Variants in KIAA0825 observed in about 807,000 individuals in gnomAD.
The protein encoded by KIAA0825 is KIAA0825, also known as uncharacterized protein KIAA0825.
KIAA0825 carries 119 observed loss-of-function variants against 147.6 expected under a neutral mutation model. The observed-to-expected ratio is 0.81, with a 90% CI of 0.69 to 0.94. KIAA0825 has a LOEUF of 0.94. KIAA0825 is among the 40% of genes least tolerant of loss of function. The pLI, the probability that KIAA0825 is intolerant of heterozygous loss-of-function variation, is 0.00. For synonymous variants in KIAA0825, 470 were observed against 518.1 expected, an observed-to-expected ratio of 0.91 and a Z score of 1.26; for missense variants, 1,381 against 1,472.7, an observed-to-expected ratio of 0.94 and a Z score of 1.02.
At chr5:94,408,745 T>C (rs529768643) in intron 15 of KIAA0825, among the ~76,000 whole-genome samples, 1 of 152,088 alleles carries the variant, frequency 6.6e-6, no homozygotes, top group East Asian at 1.9e-4. Flanking sequence ...TGTAAAACAT[T>C]TTTCACCATA....
At chr5:94,308,179 C>T (rs1371484876) in intron 20 of KIAA0825, among the ~76,000 whole-genome samples, 1 of 151,798 alleles carries the variant, frequency 6.6e-6, no homozygotes. Flanking sequence ...ATTCTACAAA[C>T]ATTTATCAAG....
chr5:94,267,927 T>C (rs986080788), intron 20 of KIAA0825, among the ~76,000 whole-genome samples: 2 of 152,178 alleles, frequency 1.3e-5, no homozygotes, highest in Non-Finnish European at 2.9e-5. Flanking sequence ...ATGCAGCCTG[T>C]GTTACTGCAA....
chr5:94,377,956 T>G (rs1420528186), intron 20 of KIAA0825, among the ~76,000 whole-genome samples: 1 of 152,194 alleles, frequency 6.6e-6, no homozygotes, highest in African/African-American at 2.4e-5. Flanking sequence ...GTCAAAAGAT[T>G]TATAAGTCTT....
intron 20 of KIAA0825, among the ~76,000 whole-genome samples, chr5:94,260,106 G>A (rs1204045091): frequency 2.6e-5 from 4 of 151,994 alleles, no homozygotes; most frequent in African/African-American, 9.7e-5. Context: ...TGTTAGAATG[G>A]TAGTAATATA....
intron 20 of KIAA0825, among the ~76,000 whole-genome samples, chr5:94,169,038 T>C (rs527247802): frequency 4.5e-4 from 69 of 152,240 alleles, no homozygotes; most frequent in African/African-American, 1.4e-3. Context: ...AAATTGAGGG[T>C]GATTTTACTA....
intron 14 of KIAA0825, among the ~76,000 whole-genome samples, chr5:94,438,457 T>C (rs1350008082): frequency 6.6e-6 from 1 of 152,194 alleles, no homozygotes; most frequent in Non-Finnish European, 1.5e-5. Context: ...TAAATTGCTT[T>C]CAGATAAACT....
At chr5:94,205,268 C>CATAT (rs5869623) in intron 20 of KIAA0825, among the ~76,000 whole-genome samples, 8,151 of 89,994 alleles carry the variant, frequency 0.091, 423 homozygotes, top group Middle Eastern at 0.13. Context: ...ACTATTTAAT[C>CATAT]ATATATATAT....
At chr5:94,241,168 C>T (rs1775324348) in intron 20 of KIAA0825, among the ~76,000 whole-genome samples, 1 of 152,138 alleles carries the variant, frequency 6.6e-6, no homozygotes, top group Non-Finnish European at 1.5e-5. Flanking sequence ...TGAGACTCTG[C>T]CTGGCTGTTC....
intron 20 of KIAA0825, among the ~76,000 whole-genome samples, chr5:94,290,824 T>C (rs774257795): frequency 1.1e-4 from 17 of 152,224 alleles, no homozygotes; most frequent in Non-Finnish European, 2.4e-4. Flanking sequence ...ATGATCACCA[T>C]TCTAACTGGT....
intron 20 of KIAA0825, 73 bp from the exon 21 acceptor site, chr5:94,154,197 T>C: frequency 1.1e-6 from 1 of 919,714 alleles, no homozygotes. Context: ...AATCAAGTCT[T>C]GAATATGTAA....
chr5:94,305,260 G>T (rs1778649827), intron 20 of KIAA0825, among the ~76,000 whole-genome samples: 1 of 151,516 alleles, frequency 6.6e-6, no homozygotes, highest in African/African-American at 2.4e-5. Context: ...CTATACACAG[G>T]CCAAAAAGCT....
At chr5:94,157,411 G>A (rs568848936) in intron 20 of KIAA0825, among the ~76,000 whole-genome samples, 1 of 152,096 alleles carries the variant, frequency 6.6e-6, no homozygotes, top group Admixed American at 6.6e-5. Context: ...ATGGCTCCTA[G>A]GTGGTTAGAT....
intron 20 of KIAA0825, among the ~76,000 whole-genome samples, chr5:94,264,154 A>G (rs958134965): frequency 6.6e-6 from 1 of 152,102 alleles, no homozygotes; most frequent in African/African-American, 2.4e-5. Context: ...CTTAACGTAC[A>G]ATCTTTTCTG....
At chr5:94,467,985 C>T (rs1426243420) in intron 10 of KIAA0825, among the ~76,000 whole-genome samples, 2 of 152,176 alleles carry the variant, frequency 1.3e-5, no homozygotes, top group Admixed American at 6.5e-5. Flanking sequence ...AAAAGTATCA[C>T]TTTATTTTTC....
intron 17 of KIAA0825, among the ~76,000 whole-genome samples, chr5:94,393,849 CTTT>C (rs34735109): frequency 5.0e-5 from 7 of 139,064 alleles, no homozygotes; most frequent in Admixed American, 7.3e-5. Context: ...AAGAAACACT[CTTT>C]TTTTTTTTTT....
intron 5 of KIAA0825, among the ~76,000 whole-genome samples, chr5:94,493,645 C>T (rs1368210922): frequency 6.6e-6 from 1 of 152,118 alleles, no homozygotes; most frequent in Non-Finnish European, 1.5e-5. Context: ...TCTGCCACCA[C>T]GCCCGGCTAA....
intron 2 of KIAA0825, among the ~76,000 whole-genome samples, chr5:94,543,193 C>T (rs1394455685): frequency 6.6e-6 from 1 of 152,166 alleles, no homozygotes; most frequent in Non-Finnish European, 1.5e-5. Context: ...CCTGTAATCC[C>T]AGCATTTTGC....
At chr5:94,606,668 C>A (rs1481802810) in intron 1 of KIAA0825, among the ~76,000 whole-genome samples, 2 of 152,168 alleles carry the variant, frequency 1.3e-5, no homozygotes, top group East Asian at 3.8e-4. Context: ...AGATAACCTA[C>A]AGAATGGGAG....
chr5:94,556,520 C>T (rs1776575463), intron 2 of KIAA0825, among the ~76,000 whole-genome samples: 1 of 152,140 alleles, frequency 6.6e-6, no homozygotes, highest in Admixed American at 6.5e-5. Context: ...AAAAATTTCT[C>T]CTAAAATGTT....
Sources: gnomAD v4.1 joint callset for allele counts (sites outside exome capture counted in the v4.1 genomes callset) on GRCh38, gnomAD v4.1.1 for gene constraint, MANE v1.5 for transcripts, NCBI Gene and HGNC (gene_info 2026-07-23, HGNC 2026-07-21) for gene names.